Variants in CREB3L2 observed in about 807,000 individuals in gnomAD.
CREB3L2 encodes cyclic AMP-responsive element-binding protein 3-like protein 2.
CREB3L2 carries 23 observed loss-of-function variants against 57.2 expected under a neutral mutation model. The ratio of observed to expected loss-of-function variants is 0.40; its 90% confidence interval spans 0.29 to 0.57. CREB3L2 has a LOEUF of 0.57. Ranked by LOEUF, CREB3L2 falls within the 20% of genes least tolerant of loss-of-function variation. The probability of loss-of-function intolerance (pLI) is 0.42; values close to 1 mark genes in which losing one functional copy is unlikely to be tolerated. For synonymous variants in CREB3L2, 268 were observed against 265.1 expected, an observed-to-expected ratio of 1.01 and a Z score of -0.11; for missense variants, 628 against 634.7, an observed-to-expected ratio of 0.99 and a Z score of 0.11.
In CREB3L2 at chr7:137,897,526, C is replaced by T. The variant is rs140236830; in HGVS notation, c.1043+3828G>A. On this transcript the variant is annotated intron_variant, in intron 8 of 11. Transcript: ENST00000330387. The stretch of plus-strand genomic sequence containing the variant: ...CTGGGATTACAGGTGTCTGCCACTA[C>T]GCCCAGATAATTTGTGTATTTTTAG... 3.4e-3 allele frequency among the ~76,000 whole-genome samples: 517 copies of T among 152,256 alleles called. 3 individuals carry two copies. The highest frequency in any genetic ancestry group is 0.012 in the African/African-American group (496 of 41,530).
At chr7:137,883,784 C>A (rs1799348812) in intron 10 of CREB3L2, among the ~76,000 whole-genome samples, 2 of 152,132 alleles carry the variant, frequency 1.3e-5, no homozygotes, top group African/African-American at 4.8e-5. Context: ...TCATTGGCTA[C>A]AGGTAACTGA....
At chr7:137,901,225 A>G in intron 8 of CREB3L2, 129 bp downstream of exon 8, 1 of 647,614 alleles carries the variant, frequency 1.5e-6, no homozygotes, top group Non-Finnish European at 2.8e-6. Flanking sequence ...CATGCTGAGC[A>G]TCTCAGCACA....
In CREB3L2 at chr7:137,878,125, G is replaced by A. The variant is rs144058990; in HGVS notation, c.*2351C>T. 2.7e-3 allele frequency: 620 copies of A among 229,870 alleles called. 1 individual carries two copies. Among genetic ancestry groups the A allele is most frequent in the Non-Finnish European group, 3.1e-3 (363 of 116,076 alleles). The allele number at this position is 229,870 out of a possible 1,614,324, so 14.2% of individuals were successfully genotyped here. A position where few individuals can be genotyped will look rare whatever the true frequency, so the allele number is the denominator to read the frequency against. ...GAAAGAGTCCTGCTGTTTGGAGGTCGAGAGAGAGTGACGTCAAGCAAGCGT... is the reference window on the plus strand; with the variant it reads ...GAAAGAGTCCTGCTGTTTGGAGGTCAAGAGAGAGTGACGTCAAGCAAGCGT... On this transcript the variant is annotated 3_prime_UTR_variant, in exon 12 of 12. Transcript: ENST00000330387.
intron 1 of CREB3L2, among the ~76,000 whole-genome samples, chr7:137,995,558 C>T (rs1362758292): frequency 6.6e-6 from 1 of 152,084 alleles, no homozygotes; most frequent in Non-Finnish European, 1.5e-5. Context: ...TGCTCTTGAA[C>T]TCCTGACCTT....
chr7:137,903,087 A>T lies in CREB3L2; in HGVS notation c.974+872T>A, dbSNP rs117016784. Among the ~76,000 whole-genome samples the T allele has an allele frequency of 2.2e-3, 335 of 152,332 alleles. 10 individuals are homozygous for T. The East Asian group carries it at 0.057, about 26-fold the overall frequency. Reference sequence around the variant, plus strand: ...CTTGGCCTCCCAAAGCACGGGGATTATAAGAGTGAGCCATCACACCCAGCC... The same window carrying T: ...CTTGGCCTCCCAAAGCACGGGGATTTTAAGAGTGAGCCATCACACCCAGCC... On this transcript the variant is annotated intron_variant, in intron 7 of 11. Coordinates refer to ENST00000330387, the MANE Select transcript of CREB3L2 (RefSeq NM_194071.4).
intron 1 of CREB3L2, among the ~76,000 whole-genome samples, chr7:137,931,545 T>C (rs4732274): frequency 0.12 from 16,689 of 141,028 alleles, 1,235 homozygotes; most frequent in Admixed American, 0.23. Flanking sequence ...AAAAAAAAAC[T>C]GGCCAGGCTT....
At chr7:137,948,649 G>A (rs543371050) in intron 1 of CREB3L2, among the ~76,000 whole-genome samples, 140 of 152,294 alleles carry the variant, frequency 9.2e-4, no homozygotes, top group African/African-American at 3.3e-3. Context: ...ATTCAAAAGC[G>A]TGCTGGGCTC....
At chr7:137,977,081 CCT>C (rs1373294533) in intron 1 of CREB3L2, among the ~76,000 whole-genome samples, 1 of 152,140 alleles carries the variant, frequency 6.6e-6, no homozygotes, top group African/African-American at 2.4e-5. Flanking sequence ...ACAGACACCC[CCT>C]GAGCTTCCAC....
chr7:137,975,961 C>T (rs930036823), intron 1 of CREB3L2, among the ~76,000 whole-genome samples: 2 of 152,194 alleles, frequency 1.3e-5, no homozygotes, highest in South Asian at 4.1e-4. Context: ...GAGTGGGAGG[C>T]CGAGCCAGAT....
chr7:137,953,557 G>C, intron 1 of CREB3L2: 1 of 1,271,794 alleles, frequency 7.9e-7, no homozygotes. Context: ...GGAGAGTTGG[G>C]TGGGTGATGA....
chr7:137,916,047 G>T (rs970701799), intron 2 of CREB3L2, 35 bp from the exon 3 acceptor site: 2 of 1,580,706 alleles, frequency 1.3e-6, no homozygotes, highest in Non-Finnish European at 8.6e-7. Context: ...ATGTGAACTT[G>T]TTCAGGGCAT....
chr7:137,902,764 T>G (rs1211351300), intron 7 of CREB3L2, among the ~76,000 whole-genome samples: 1 of 151,452 alleles, frequency 6.6e-6, no homozygotes, highest in African/African-American at 2.4e-5. Context: ...TATCTTGTAT[T>G]TATAGTTGTA....
At chr7:137,966,408 T>A (rs888555014) in intron 1 of CREB3L2, among the ~76,000 whole-genome samples, 1 of 152,208 alleles carries the variant, frequency 6.6e-6, no homozygotes, top group African/African-American at 2.4e-5. Flanking sequence ...AATACATTGG[T>A]GCTCCCTCCA....
At chr7:137,935,306 G>A (rs1324461799) in intron 1 of CREB3L2, among the ~76,000 whole-genome samples, 1 of 152,150 alleles carries the variant, frequency 6.6e-6, no homozygotes, top group African/African-American at 2.4e-5. Flanking sequence ...ACAATAAAAT[G>A]TTGGCATTTT....
chr7:137,999,571 A>T lies in CREB3L2; in HGVS notation c.102+2033T>A, dbSNP rs371657928. ...CCATCCTTTTTCTACATAAAGATTC[A>T]GCTAGAGTAACAAACAGCTCTGCCC... On this transcript the variant is annotated intron_variant, in intron 1 of 11. Coordinates refer to ENST00000330387, the MANE Select transcript of CREB3L2 (RefSeq NM_194071.4). 4 of 152,334 alleles carry T rather than the reference A, an allele frequency of 2.6e-5. No individual in the cohort carries two copies. In the East Asian group the frequency reaches 7.7e-4, roughly 29 times the overall value. 9.4% of individuals were successfully genotyped at this position (152,334 alleles called of 1,614,324 possible). A position where few individuals can be genotyped will look rare whatever the true frequency, so the allele number is the denominator to read the frequency against.
At position 138,001,107 on chromosome 7, in the gene CREB3L2, A is replaced by ACACACACG. The variant is rs1802065987; in HGVS notation, c.102+496_102+497insCGTGTGTG. ...AACACACACACACACACACACACAC[A>ACACACACG]CACACACACACACACACACGTGTAC... is the stretch of plus-strand genomic sequence containing the variant. On this transcript the variant is annotated intron_variant, in intron 1 of 11. Coordinates refer to ENST00000330387, the MANE Select transcript of CREB3L2 (RefSeq NM_194071.4). The surrounding 1 kb of genome is among the most constrained non-coding windows in gnomAD (Gnocchi z 4.2). 6.6e-6 allele frequency among the ~76,000 whole-genome samples: 1 copy of ACACACACG among 151,530 alleles called. No individual in the cohort carries two copies. Among genetic ancestry groups the ACACACACG allele is most frequent in the Non-Finnish European group, 1.5e-5 (1 of 67,886 alleles).
At chr7:137,975,877 G>C (rs1801599351) in intron 1 of CREB3L2, among the ~76,000 whole-genome samples, 1 of 152,166 alleles carries the variant, frequency 6.6e-6, no homozygotes, top group East Asian at 1.9e-4. Context: ...GCCCTTAAAA[G>C]GCTGACCTTA....
Position 137,915,876 on chromosome 7 carries a change from C to T in CREB3L2, c.456G>A (p.Pro152=), listed in dbSNP as rs751234249. The T allele has an allele frequency of 1.6e-5, 26 of 1,613,814 alleles. No individual in the cohort carries two copies. Among genetic ancestry groups the T allele is most frequent in the African/African-American group, 6.7e-5 (5 of 74,886 alleles). The change falls in exon 3 of 12, where the codon CCG becomes CCA. Residue 152 remains proline, a synonymous_variant. Transcript: ENST00000330387. ...VTLTITAIST[P]LEKEEPPLEM... Reference sequence around the variant, plus strand: ...CCAGAGGAGGTTCCTCCTTTTCCAACGGGGTGGAGATGGCTGTGATGGTCA... The same window carrying T: ...CCAGAGGAGGTTCCTCCTTTTCCAATGGGGTGGAGATGGCTGTGATGGTCA...
intron 1 of CREB3L2, among the ~76,000 whole-genome samples, chr7:137,935,167 A>G (rs1800754034): frequency 6.6e-6 from 1 of 152,258 alleles, no homozygotes; most frequent in Non-Finnish European, 1.5e-5. Flanking sequence ...TAATGCCGGC[A>G]AAGTGAAGTT....
Sources: gnomAD v4.1 joint callset for allele counts (sites outside exome capture counted in the v4.1 genomes callset) on GRCh38, gnomAD v4.1.1 for gene constraint, Gnocchi (gnomAD v3.1) non-coding constraint, MANE v1.5 for transcripts, NCBI Gene and HGNC (gene_info 2026-07-23, HGNC 2026-07-21) for gene names.